The following MSRA variants were observed in gnomAD, a reference collection of about 807,000 sequenced individuals.
MSRA encodes the protein mitochondrial peptide methionine sulfoxide reductase.
A neutral mutation model predicts 31.3 loss-of-function variants in MSRA; 54 were observed. That is an observed-to-expected ratio of 1.73 (90% CI 1.39 to 2.17). The LOEUF (loss-of-function observed/expected upper bound fraction) is 2.17, where lower values mean the gene tolerates loss of function less well. MSRA is among the 30% of genes most tolerant of loss of function. The pLI is 0.00. For synonymous variants in MSRA, 169 were observed against 116.5 expected, an observed-to-expected ratio of 1.45 and a Z score of -2.90; for missense variants, 507 against 300.9, an observed-to-expected ratio of 1.69 and a Z score of -5.07.
intron 1 of MSRA, among the ~76,000 whole-genome samples, chr8:10,083,165 G>A (rs1478290208): frequency 5.9e-5 from 9 of 152,212 alleles, no homozygotes; most frequent in Admixed American, 2.6e-4. Context: ...AAAATATAAA[G>A]CCATATTTCC....
At chr8:10,054,749 C>T (rs1393881006) in intron 1 of MSRA, 91 bp downstream of exon 1, 6 of 1,314,810 alleles carry the variant, frequency 4.6e-6, no homozygotes, top group African/African-American at 1.5e-5. Context: ...CGGAAGGAAG[C>T]CGTGGGCTGG....
chr8:10,106,445 A>G (rs1010664657), intron 1 of MSRA, among the ~76,000 whole-genome samples: 2 of 152,160 alleles, frequency 1.3e-5, no homozygotes, highest in Admixed American at 1.3e-4. Context: ...CTACTGTTTA[A>G]AAGTTTTAAG....
At chr8:10,093,344 G>C (rs1232405415) in intron 1 of MSRA, among the ~76,000 whole-genome samples, 1 of 151,718 alleles carries the variant, frequency 6.6e-6, no homozygotes, top group African/African-American at 2.4e-5. Context: ...CTATGTTTTT[G>C]AGTTATTTGC....
At chr8:10,266,477 G>C (rs1490083893) in intron 3 of MSRA, among the ~76,000 whole-genome samples, 1 of 152,068 alleles carries the variant, frequency 6.6e-6, no homozygotes, top group Non-Finnish European at 1.5e-5. Flanking sequence ...ATATATTCTG[G>C]AAACAAGTCC....
At chr8:10,183,114 A>G (rs561346383) in intron 1 of MSRA, among the ~76,000 whole-genome samples, 5 of 152,118 alleles carry the variant, frequency 3.3e-5, no homozygotes, top group African/African-American at 4.8e-5. Context: ...GTTATAGCTT[A>G]GTTTATCTTA....
At chr8:10,422,177 T>TGGAG (rs1218351914) in intron 5 of MSRA, among the ~76,000 whole-genome samples, 1 of 152,180 alleles carries the variant, frequency 6.6e-6, no homozygotes, top group African/African-American at 2.4e-5. Context: ...CCTGCTTTTC[T>TGGAG]GGAGGGGCTG....
At position 10,192,989 on chromosome 8, in the gene MSRA, A is replaced by G. The variant is rs185627494; in HGVS notation, c.143-14844A>G. On this transcript the variant is annotated intron_variant, in intron 1 of 5. Coordinates refer to ENST00000317173, the MANE Select transcript of MSRA (RefSeq NM_012331.5). ...GTTCTCCCCAGAAACCTTCTCAACA[A>G]TAGTTTACATTTTGAGCTATAAGCC... is the stretch of plus-strand genomic sequence containing the variant. Among the ~76,000 whole-genome samples, 21 of 152,340 alleles carry G rather than the reference A, an allele frequency of 1.4e-4. No homozygotes were observed. The East Asian group carries it at 1.9e-3, about 14-fold the overall frequency.
intron 1 of MSRA, among the ~76,000 whole-genome samples, chr8:10,066,590 A>G (rs564290827): frequency 4.9e-4 from 74 of 152,058 alleles, no homozygotes; most frequent in Middle Eastern, 3.4e-3. Flanking sequence ...CTGGAGTGCA[A>G]TGGCGCGATC....
intron 1 of MSRA, among the ~76,000 whole-genome samples, chr8:10,200,151 C>A (rs1266860350): frequency 1.3e-5 from 2 of 152,226 alleles, no homozygotes. Flanking sequence ...GGAGGTGTAT[C>A]TCCGTTCTGC....
intron 3 of MSRA, among the ~76,000 whole-genome samples, chr8:10,273,264 C>A (rs115697401): frequency 0.014 from 2,202 of 152,256 alleles, 63 homozygotes; most frequent in African/African-American, 0.049. Context: ...TACCTTAAAA[C>A]CTGCTCCCCA....
intron 5 of MSRA, among the ~76,000 whole-genome samples, chr8:10,325,852 C>G (rs966892767): frequency 6.6e-6 from 1 of 152,178 alleles, no homozygotes; most frequent in Non-Finnish European, 1.5e-5. Flanking sequence ...TGTTTTATAT[C>G]TAGGGTAAGC....
At chr8:10,341,113 G>A (rs892783847) in intron 5 of MSRA, among the ~76,000 whole-genome samples, 1 of 152,202 alleles carries the variant, frequency 6.6e-6, no homozygotes, top group African/African-American at 2.4e-5. Context: ...GGTGGGGCCA[G>A]GAAATATGAA....
At chr8:10,212,403 C>A (rs1200548020) in intron 2 of MSRA, among the ~76,000 whole-genome samples, 1 of 151,850 alleles carries the variant, frequency 6.6e-6, no homozygotes, top group Admixed American at 6.6e-5. Flanking sequence ...TAAATACACA[C>A]CAAGTTAAGT....
intron 3 of MSRA, among the ~76,000 whole-genome samples, chr8:10,289,793 C>G (rs1490498934): frequency 6.6e-6 from 1 of 152,176 alleles, no homozygotes; most frequent in Non-Finnish European, 1.5e-5. Context: ...CCAGAGAAAC[C>G]TGTCTTTGCT....
At chr8:10,375,354 C>A (rs1198685730) in intron 5 of MSRA, among the ~76,000 whole-genome samples, 1 of 152,224 alleles carries the variant, frequency 6.6e-6, no homozygotes, top group Non-Finnish European at 1.5e-5. Context: ...TGGTATGGAT[C>A]TTTGGCCCTG....
At chr8:10,122,453 A>G (rs1192783910) in intron 1 of MSRA, among the ~76,000 whole-genome samples, 3 of 152,132 alleles carry the variant, frequency 2.0e-5, no homozygotes, top group Non-Finnish European at 4.4e-5. Context: ...TAAATGATGA[A>G]TTGTGCTCTG....
chr8:10,146,032 T>C (rs1803110151), intron 1 of MSRA, among the ~76,000 whole-genome samples: 1 of 152,214 alleles, frequency 6.6e-6, no homozygotes, highest in Non-Finnish European at 1.5e-5. Context: ...GTATATACTT[T>C]CAGTACCTAC....
chr8:10,071,124 A>G (rs568184251), intron 1 of MSRA, among the ~76,000 whole-genome samples: 39 of 152,304 alleles, frequency 2.6e-4, no homozygotes, highest in South Asian at 2.1e-3. Flanking sequence ...CACCAGCAAC[A>G]TATGAAGGAT....
intron 1 of MSRA, among the ~76,000 whole-genome samples, chr8:10,059,525 A>G (rs1468134572): frequency 1.3e-5 from 2 of 152,224 alleles, no homozygotes; most frequent in Non-Finnish European, 2.9e-5. Context: ...ATGAAACAGT[A>G]TGAGAACAGA....
Sources: allele counts gnomAD v4.1 joint callset (sites outside exome capture counted in the v4.1 genomes callset), GRCh38; gene constraint gnomAD v4.1.1; transcripts MANE v1.5; gene names NCBI Gene and HGNC (gene_info 2026-07-23, HGNC 2026-07-21).